CELF2: variants seen among roughly 807,000 people sequenced by gnomAD.
The protein encoded by CELF2 is CUGBP Elav-like family member 2.
A neutral mutation model predicts 62.6 loss-of-function variants in CELF2; 8 were observed. The observed-to-expected ratio is 0.13, with a 90% CI of 0.07 to 0.23. The LOEUF is 0.23. Among genes scored for constraint, CELF2 ranks in the 10% least tolerant of loss-of-function variants. The probability of loss-of-function intolerance (pLI) is 1.00; values close to 1 mark genes in which losing one functional copy is unlikely to be tolerated. For synonymous variants in CELF2, 258 were observed against 250.0 expected, an observed-to-expected ratio of 1.03 and a Z score of -0.30; for missense variants, 333 against 671.0, an observed-to-expected ratio of 0.50 and a Z score of 5.56.
intron 2 of CELF2, among the ~76,000 whole-genome samples, chr10:10,999,628 T>C (rs1249670971): frequency 1.3e-5 from 2 of 151,982 alleles, no homozygotes; most frequent in African/African-American, 2.4e-5. Context: ...TTAAAAAGAG[T>C]TGTGGATGTG....
In CELF2 at chr10:11,039,111, G is replaced by T. The variant is rs57813983; in HGVS notation, c.74+20948G>T. 6.6e-6 allele frequency among the ~76,000 whole-genome samples: 1 copy of T among 152,162 alleles called. No individual in the cohort carries two copies. The highest frequency in any genetic ancestry group is 2.4e-5 in the African/African-American group (1 of 41,436). On this transcript the variant is annotated intron_variant, in intron 1 of 12. Transcript: ENST00000633077. This position sits in a 1 kb window ranked among gnomAD's most constrained non-coding sequence, Gnocchi z 4.1. ...ACTCTCATGGCATCGACCATGTAAC[G>T]GCGATAACAGCCGAGTCCTGTGTCA...
At chr10:10,776,994 T>G in the CELF2 span, among the ~76,000 whole-genome samples, 322 of 152,270 alleles carry the variant, frequency 2.1e-3, 1 homozygote, top group Admixed American at 3.1e-3. Context: ...TTATAAATAT[T>G]CTCTTTTCTG....
At chr10:10,643,184 A>G in the CELF2 span, among the ~76,000 whole-genome samples, 2 of 152,200 alleles carry the variant, frequency 1.3e-5, no homozygotes, top group Admixed American at 6.5e-5. Flanking sequence ...GTTTCCATCA[A>G]TGATGTAGTT....
chr10:10,845,735 A>C (rs1214486475), intron 1 of CELF2, among the ~76,000 whole-genome samples: 1 of 152,132 alleles, frequency 6.6e-6, no homozygotes, highest in African/African-American at 2.4e-5. Flanking sequence ...TTCATAACCA[A>C]ACTGTTGTAC....
chr10:11,236,444 A>G (rs1170395914), intron 3 of CELF2, among the ~76,000 whole-genome samples: 1 of 152,214 alleles, frequency 6.6e-6, no homozygotes, highest in African/African-American at 2.4e-5. Context: ...GGAAACACTC[A>G]TCAATTCTGT....
chr10:11,267,386 CTG>C lies in CELF2; in HGVS notation c.618+712_618+713del, dbSNP rs1189806114. 2.0e-5 allele frequency among the ~76,000 whole-genome samples: 3 copies of C among 152,154 alleles called. No homozygotes were observed. The highest frequency in any genetic ancestry group is 7.2e-5 in the African/African-American group (3 of 41,426). ...AGATAGATGGCTCTGTACTTTTAGT[CTG>C]TGATTTGGGTCATGGCCTTTCAGAA... On this transcript the variant is annotated intron_variant, in intron 6 of 12. Coordinates refer to ENST00000633077, the MANE Select transcript of CELF2 (RefSeq NM_001326342.2). This position sits in a 1 kb window ranked among gnomAD's most constrained non-coding sequence, Gnocchi z 4.4.
At chr10:10,695,735 A>T in the CELF2 span, among the ~76,000 whole-genome samples, 132 of 151,972 alleles carry the variant, frequency 8.7e-4, 1 homozygote, top group East Asian at 0.02. Context: ...TAAACTTCCC[A>T]TCTCGCTTCA....
intron 1 of CELF2, among the ~76,000 whole-genome samples, chr10:11,027,957 C>T (rs1174832469): frequency 6.6e-6 from 1 of 152,186 alleles, no homozygotes; most frequent in Admixed American, 6.5e-5. Context: ...GCAAGTTCCC[C>T]CGCATTTCCC....
the CELF2 span, among the ~76,000 whole-genome samples, chr10:10,511,221 C>A: frequency 6.6e-6 from 1 of 152,052 alleles, no homozygotes; most frequent in Non-Finnish European, 1.5e-5. Flanking sequence ...ACCAGCCTGG[C>A]AAAAATGGCA....
At chr10:10,962,757 A>G (rs1264185497) in intron 2 of CELF2, among the ~76,000 whole-genome samples, 1 of 152,196 alleles carries the variant, frequency 6.6e-6, no homozygotes, top group Admixed American at 6.5e-5. Flanking sequence ...CAGCAACTAA[A>G]GAGAGGAAAT....
chr10:10,717,378 TA>T, the CELF2 span, among the ~76,000 whole-genome samples: 142 of 145,922 alleles, frequency 9.7e-4, no homozygotes, highest in East Asian at 5.0e-3. Flanking sequence ...TGAAACTTAT[TA>T]AAAAAAAAAA....
At chr10:11,256,389 C>T (rs2653514) in intron 4 of CELF2, among the ~76,000 whole-genome samples, 25,632 of 151,968 alleles carry the variant, frequency 0.17, 2,710 homozygotes, top group African/African-American at 0.3. Context: ...TGCCTATTCG[C>T]TAAATGAAAA....
At chr10:10,920,438 C>A (rs116118726) in intron 2 of CELF2, among the ~76,000 whole-genome samples, 2,674 of 152,238 alleles carry the variant, frequency 0.018, 32 homozygotes, top group Middle Eastern at 0.037. Context: ...CCCTGAAGAG[C>A]TCACATCATA....
intron 1 of CELF2, among the ~76,000 whole-genome samples, chr10:10,857,639 CATATATATAGTATATATAT>C (rs2059797702): frequency 2.5e-5 from 2 of 79,096 alleles, no homozygotes; most frequent in Admixed American, 1.7e-4. Context: ...TGGTAAACTA[CATATATATAGTATATATAT>C]ATATATATAT....
chr10:11,067,211 A>G (rs1222230365), intron 1 of CELF2, among the ~76,000 whole-genome samples: 1 of 152,232 alleles, frequency 6.6e-6, no homozygotes, highest in Non-Finnish European at 1.5e-5. Context: ...GGAAGCCATT[A>G]TAACCTCTTG....
chr10:10,762,681 T>C, the CELF2 span, among the ~76,000 whole-genome samples: 4 of 152,124 alleles, frequency 2.6e-5, no homozygotes. Flanking sequence ...CAGTGGGCTT[T>C]AATATGAGTA....
intron 1 of CELF2, among the ~76,000 whole-genome samples, chr10:11,118,651 C>T (rs1421258112): frequency 6.6e-6 from 1 of 152,142 alleles, no homozygotes; most frequent in East Asian, 1.9e-4. Context: ...CTTTGGGGTT[C>T]TTGGCCTTGG....
chr10:11,320,019 A>C (rs966206952), intron 10 of CELF2: 2 of 356,146 alleles, frequency 5.6e-6, no homozygotes, highest in Non-Finnish European at 1.1e-5. Flanking sequence ...CTGTTTTCAT[A>C]TCTCCAATCA....
At chr10:11,265,769 A>G (rs929396275) in intron 5 of CELF2, among the ~76,000 whole-genome samples, 11 of 152,254 alleles carry the variant, frequency 7.2e-5, no homozygotes, top group Non-Finnish European at 1.5e-4. Context: ...ACAGGCACGG[A>G]AAGTTTCACT....
Sources: gnomAD v4.1 joint callset for allele counts (sites outside exome capture counted in the v4.1 genomes callset) on GRCh38, gnomAD v4.1.1 for gene constraint, Gnocchi (gnomAD v3.1) non-coding constraint, MANE v1.5 for transcripts, NCBI Gene and HGNC (gene_info 2026-07-23, HGNC 2026-07-21) for gene names.